The following PTPRR variants were observed in gnomAD, a reference collection of about 807,000 sequenced individuals.
PTPRR encodes receptor-type tyrosine-protein phosphatase R.
Under a neutral mutation model 77.2 loss-of-function variants are expected in PTPRR, and 38 were observed. The observed-to-expected ratio is 0.49, with a 90% CI of 0.38 to 0.65. The LOEUF (loss-of-function observed/expected upper bound fraction) is 0.65, where lower values mean the gene tolerates loss of function less well. Ranked by LOEUF, PTPRR falls within the 30% of genes least tolerant of loss-of-function variation. PTPRR has a pLI of 0.00. For missense variants in PTPRR, 744 were observed against 799.2 expected (o/e 0.93, Z 0.83); for synonymous variants, 299 against 283.1 (o/e 1.06, Z -0.57).
chr12:70,761,641 A>T lies in PTPRR; in HGVS notation c.472-15T>A. On this transcript the variant is annotated splice_polypyrimidine_tract_variant and intron_variant, in intron 3 of 13. Coordinates refer to ENST00000283228, the MANE Select transcript of PTPRR (RefSeq NM_002849.4). ...TTCTTCTTTCCCTAATAAAAGCAGA[A>T]TATTTGTATTTGTTATAGACATTTT... 6.5e-7 allele frequency: 1 copy of T among 1,537,248 alleles called. No homozygotes were observed. Among genetic ancestry groups the T allele is most frequent in the Non-Finnish European group, 8.8e-7 (1 of 1,138,338 alleles).
At chr12:70,863,428 T>G (rs1417516285) in intron 2 of PTPRR, among the ~76,000 whole-genome samples, 2 of 152,202 alleles carry the variant, frequency 1.3e-5, no homozygotes, top group Non-Finnish European at 2.9e-5. Context: ...TTTTATGTAA[T>G]GTTACATCTA....
chr12:70,666,995 A>G lies in PTPRR; in HGVS notation c.1498-4390T>C, dbSNP rs529543639. Among the ~76,000 whole-genome samples, 38 of 110,048 alleles carry G rather than the reference A, an allele frequency of 3.5e-4. 2 individuals carry two copies. In the South Asian group the frequency reaches 8.9e-3, roughly 26 times the overall value. 72.2% of individuals were successfully genotyped at this position (110,048 alleles called of 152,430 possible). ...TTTTGAGACGGAGTCTCGCTCTGTC[A>G]CTCAGGCTGGAGTGCAGTGGCACGA... is the stretch of plus-strand genomic sequence containing the variant. On this transcript the variant is annotated intron_variant, in intron 10 of 13. Coordinates refer to ENST00000283228, the MANE Select transcript of PTPRR (RefSeq NM_002849.4).
chr12:70,814,708 G>C (rs1891869855), intron 2 of PTPRR, among the ~76,000 whole-genome samples: 1 of 152,172 alleles, frequency 6.6e-6, no homozygotes, highest in Non-Finnish European at 1.5e-5. Context: ...ACTGTAGGCT[G>C]AATGTAGGTA....
At chr12:70,867,331 C>T (rs1180822306) in intron 2 of PTPRR, among the ~76,000 whole-genome samples, 6 of 151,450 alleles carry the variant, frequency 4.0e-5, no homozygotes, top group South Asian at 2.1e-4. Context: ...TGATAAGCAA[C>T]TTCAGCAAAG....
chr12:70,879,271 T>C (rs754185351), intron 2 of PTPRR, among the ~76,000 whole-genome samples: 126 of 151,902 alleles, frequency 8.3e-4, no homozygotes, highest in Non-Finnish European at 8.1e-4. Context: ...AAAAACGATA[T>C]GTAAAACCAA....
intron 6 of PTPRR, among the ~76,000 whole-genome samples, chr12:70,727,423 A>G (rs908567624): frequency 2.0e-5 from 3 of 152,188 alleles, no homozygotes; most frequent in African/African-American, 7.2e-5. Flanking sequence ...GAATTAAAAA[A>G]ACCAGAATTA....
chr12:70,909,475 G>A (rs1035394587), intron 1 of PTPRR, among the ~76,000 whole-genome samples: 2 of 151,980 alleles, frequency 1.3e-5, no homozygotes, highest in South Asian at 2.1e-4. Context: ...ACTCCTTTCC[G>A]GAACAAAGCA....
At chr12:70,827,284 TAAATG>T (rs753558366) in intron 2 of PTPRR, among the ~76,000 whole-genome samples, 6 of 152,214 alleles carry the variant, frequency 3.9e-5, no homozygotes, top group Non-Finnish European at 7.3e-5. Context: ...AGGTACTTAA[TAAATG>T]AATAGTAGGT....
At position 70,920,381 on chromosome 12, in the gene PTPRR, CTCTCCGCATAGTG is replaced by C. The variant is rs754952703; in HGVS notation, c.-4_9del. On this transcript the variant is annotated start_lost and 5_prime_UTR_variant, in exon 1 of 14. Coordinates refer to ENST00000283228, the MANE Select transcript of PTPRR (RefSeq NM_002849.4). ...AGGCACAGCGCAGGGAAGCAGACTG[CTCTCCGCATAGTG>C]TTTGCATTGAGAGGTGGAGGAGAAA... The C allele has an allele frequency of 1.9e-6, 3 of 1,613,608 alleles. No homozygotes were observed. The highest frequency in any genetic ancestry group is 2.5e-6 in the Non-Finnish European group (3 of 1,179,852).
chr12:70,865,205 G>A (rs904989089), intron 2 of PTPRR, among the ~76,000 whole-genome samples: 5 of 134,512 alleles, frequency 3.7e-5, no homozygotes, highest in African/African-American at 1.2e-4. Context: ...TTTGCCTTCT[G>A]AGAATGATCG....
chr12:70,875,381 T>C (rs1173165289), intron 2 of PTPRR, among the ~76,000 whole-genome samples: 3 of 152,140 alleles, frequency 2.0e-5, no homozygotes, highest in Non-Finnish European at 2.9e-5. Context: ...GAAGAATACA[T>C]ATACATATTG....
At position 70,909,428 on chromosome 12, in the gene PTPRR, G is replaced by C. The variant is rs1217823249; in HGVS notation, c.58+10905C>G. ...TTTTTTCTAAAATTTATCTGCTTCA[G>C]AATGTACCTATAGTCAGGGACACAT... On this transcript the variant is annotated intron_variant, in intron 1 of 13. Coordinates refer to ENST00000283228, the MANE Select transcript of PTPRR (RefSeq NM_002849.4). Among the ~76,000 whole-genome samples, 3 of 152,258 alleles carry C rather than the reference G, an allele frequency of 2.0e-5. No individual in the cohort carries two copies. In the East Asian group the frequency reaches 5.8e-4, roughly 29 times the overall value.
intron 2 of PTPRR, among the ~76,000 whole-genome samples, chr12:70,867,592 G>A (rs1343784637): frequency 2.7e-3 from 411 of 151,242 alleles, no homozygotes; most frequent in Non-Finnish European, 4.7e-3. Context: ...AATCAATATC[G>A]TGAAAATGGC....
chr12:70,716,238 C>T (rs1381873040), intron 6 of PTPRR, among the ~76,000 whole-genome samples: 1 of 151,800 alleles, frequency 6.6e-6, no homozygotes, highest in East Asian at 1.9e-4. Context: ...AGAAAACACT[C>T]AGATTGGGTC....
chr12:70,801,965 C>G (rs1172396888), intron 2 of PTPRR, among the ~76,000 whole-genome samples: 2 of 152,114 alleles, frequency 1.3e-5, no homozygotes, highest in Non-Finnish European at 2.9e-5. Context: ...AGGGTAAAAA[C>G]AGATGGTGCA....
At chr12:70,816,032 T>C (rs961898122) in intron 2 of PTPRR, among the ~76,000 whole-genome samples, 2 of 152,194 alleles carry the variant, frequency 1.3e-5, no homozygotes, top group Middle Eastern at 3.2e-3. Context: ...CTACGTCTTC[T>C]TAATGTGTGA....
chr12:70,920,570 A>G lies in PTPRR; in HGVS notation c.-180T>C. ...AACCAGCACCAGCTTCAACCTCCCT[A>G]AGAGAGGGAGAGAGGAAGAGCAGTA... On this transcript the variant is annotated 5_prime_UTR_variant, in exon 1 of 14. An upstream open reading frame in the 5' UTR loses its in-frame stop. Transcript: ENST00000283228. The G allele has an allele frequency of 1.7e-6, 1 of 589,112 alleles. No homozygotes were observed. The highest frequency in any genetic ancestry group is 2.6e-5 in the Admixed American group (1 of 38,094). 36.5% of individuals were successfully genotyped at this position (589,112 alleles called of 1,614,324 possible).
chr12:70,665,273 A>G (rs79124844), intron 10 of PTPRR, among the ~76,000 whole-genome samples: 4,484 of 151,748 alleles, frequency 0.03, 90 homozygotes, highest in Non-Finnish European at 0.044. Flanking sequence ...TTATTATCAA[A>G]CTCTGACTGA....
rs145291562 is a variant in PTPRR at position 70,723,101 on chromosome 12, T to G, written c.1008-21778A>C. ...TAAGTTCAGCCAAAAGGGAAGAAAA[T>G]ATGATGGGTGGAGCATGAACAGCAA... On this transcript the variant is annotated intron_variant, in intron 6 of 13. Transcript: ENST00000283228. 2.0e-5 allele frequency among the ~76,000 whole-genome samples: 3 copies of G among 152,096 alleles called. No individual in the cohort carries two copies. In the East Asian group the frequency reaches 5.8e-4, roughly 29 times the overall value.
Sources: gnomAD v4.1 joint callset for allele counts (sites outside exome capture counted in the v4.1 genomes callset) on GRCh38, gnomAD v4.1.1 for gene constraint, MANE v1.5 for transcripts, NCBI Gene and HGNC (gene_info 2026-07-23, HGNC 2026-07-21) for gene names.